The following TBC1D16 variants were observed in gnomAD, a reference collection of about 807,000 sequenced individuals.
TBC1D16 encodes TBC1 domain family member 16, also known as CTD-2529O21.1.
A neutral mutation model predicts 74.7 loss-of-function variants in TBC1D16; 58 were observed. The ratio of observed to expected loss-of-function variants is 0.78; its 90% CI spans 0.63 to 0.97. The LOEUF (loss-of-function observed/expected upper bound fraction) is 0.97, where lower values mean the gene tolerates loss of function less well. Ranked by LOEUF, TBC1D16 falls within the 50% of genes least tolerant of loss-of-function variation. The pLI, the probability that TBC1D16 is intolerant of heterozygous loss-of-function variation, is 0.00. For missense variants in TBC1D16, 1,014 were observed against 1,079.5 expected, an observed-to-expected ratio of 0.94 and a Z score of 0.85; for synonymous variants, 493 against 474.7, an observed-to-expected ratio of 1.04 and a Z score of -0.50.
At chr17:80,017,448 T>G (rs933934911) in intron 1 of TBC1D16, among the ~76,000 whole-genome samples, 6 of 152,052 alleles carry the variant, frequency 3.9e-5, no homozygotes, top group Non-Finnish European at 7.4e-5. Flanking sequence ...TTGGGAGGCC[T>G]AGGTGGGCGG....
intron 3 of TBC1D16, among the ~76,000 whole-genome samples, chr17:80,002,449 G>A (rs753508552): frequency 3.9e-5 from 6 of 152,206 alleles, no homozygotes; most frequent in Non-Finnish European, 7.3e-5. Flanking sequence ...GTGGGGAGCG[G>A]CCGCCCCATG....
At chr17:79,959,268 A>G (rs1385262679) in intron 3 of TBC1D16, among the ~76,000 whole-genome samples, 1 of 152,240 alleles carries the variant, frequency 6.6e-6, no homozygotes, top group East Asian at 1.9e-4. Context: ...GAAATGCAGA[A>G]ATGCACCATG....
rs1451948122 is a variant in TBC1D16, at chr17:80,010,494, G to A, written c.445C>T (p.Pro149Ser). Residue 149 changes from proline to serine, a missense_variant, in exon 3 of 12, where the codon CCA (proline) becomes TCA (serine). Pro to Ser is a moderately conservative substitution (Grantham distance 74, BLOSUM62 -1). Coordinates refer to ENST00000310924, the MANE Select transcript of TBC1D16 (RefSeq NM_019020.4). This position sits in a 1 kb window ranked among gnomAD's most constrained non-coding sequence, Gnocchi z 8.8. ...EDILVVAQSV[P>S]DRMLASPAPE... ...GCAGGGCTGGCGAGCATGCGGTCTG[G>A]AACACTCTGGGCCACCACCAGGATG... 3 of 1,610,748 alleles carry A rather than the reference G, an allele frequency of 1.9e-6. No individual in the cohort carries two copies. Among genetic ancestry groups the A allele is most frequent in the South Asian group, 2.2e-5 (2 of 90,690 alleles).
rs1568560877 is a variant in TBC1D16, at chr17:79,939,039, C to CGAGT, written c.*1816_*1819dup. 2 of 152,490 alleles carry CGAGT rather than the reference C, an allele frequency of 1.3e-5. No individual in the cohort carries two copies. The highest frequency in any genetic ancestry group is 6.5e-5 in the Admixed American group (1 of 15,292). 9.4% of individuals were successfully genotyped at this position (152,490 alleles called of 1,614,324 possible). On this transcript the variant is annotated 3_prime_UTR_variant, in exon 12 of 12. Coordinates refer to ENST00000310924, the MANE Select transcript of TBC1D16 (RefSeq NM_019020.4). The stretch of plus-strand genomic sequence containing the variant: ...ATCAGTGCTGACTGTTGCAGGCCAC[C>CGAGT]GAGTGTTGGCGGATTTGTTACACAG...
In TBC1D16 at chr17:79,985,796, ATTTG is replaced by A. The variant is rs1373907657; in HGVS notation, c.779+24360_779+24363del. On this transcript the variant is annotated intron_variant, in intron 3 of 11. Transcript: ENST00000310924. The surrounding 1 kb of genome is among the most constrained non-coding windows in gnomAD (Gnocchi z 4.9). The stretch of plus-strand genomic sequence containing the variant: ...CGGGGATGCCCAGCTGTCCTAGAGT[ATTTG>A]TTCTGCTGGCTCCCACCTCGCAGCC... Among the ~76,000 whole-genome samples, 3 of 152,120 alleles carry A rather than the reference ATTTG, an allele frequency of 2.0e-5. No individual in the cohort carries two copies. The highest frequency in any genetic ancestry group is 4.4e-5 in the Non-Finnish European group (3 of 68,010).
rs1278617259 is a variant in TBC1D16 at position 79,986,081 on chromosome 17, C to A, written c.779+24079G>T. On this transcript the variant is annotated intron_variant, in intron 3 of 11. Transcript: ENST00000310924. The surrounding 1 kb of genome is among the most constrained non-coding windows in gnomAD (Gnocchi z 6.0). ...CTAGAATCTGTTTATATTTTGACTG[C>A]ACTGGCATCTGCCATCCCTCAAACG... is the stretch of plus-strand genomic sequence containing the variant. Among the ~76,000 whole-genome samples the A allele has an allele frequency of 2.0e-5, 3 of 152,256 alleles. No homozygotes were observed. The highest frequency in any genetic ancestry group is 4.4e-5 in the Non-Finnish European group (3 of 68,050).
chr17:79,943,315 G>A (rs1048688669), intron 10 of TBC1D16, among the ~76,000 whole-genome samples: 1 of 152,172 alleles, frequency 6.6e-6, no homozygotes, highest in African/African-American at 2.4e-5. Context: ...GAAGGTGGAC[G>A]CCCAGCTTCT....
At chr17:79,952,409 C>T (rs571848978) in intron 4 of TBC1D16, among the ~76,000 whole-genome samples, 13 of 152,338 alleles carry the variant, frequency 8.5e-5, no homozygotes, top group East Asian at 5.8e-4. Context: ...TGCAAGCAAC[C>T]GCTGGCTACC....
chr17:79,948,231 T>C (rs568098334), intron 8 of TBC1D16, among the ~76,000 whole-genome samples: 4 of 150,706 alleles, frequency 2.7e-5, no homozygotes, highest in Non-Finnish European at 5.9e-5. Flanking sequence ...GAGAATCGCT[T>C]GAACCCGGAA....
intron 1 of TBC1D16, among the ~76,000 whole-genome samples, chr17:80,023,490 C>T (rs2036358079): frequency 6.7e-6 from 1 of 150,088 alleles, no homozygotes; most frequent in East Asian, 1.9e-4. Flanking sequence ...ACAGCCCCTG[C>T]GGCCACTTCT....
rs34982856 is a variant in TBC1D16 at position 79,994,284 on chromosome 17, C to CG, written c.779+15875dup. Among the ~76,000 whole-genome samples, 1,168 of 151,686 alleles carry CG rather than the reference C, an allele frequency of 7.7e-3. 3 individuals carry two copies. The highest frequency in any genetic ancestry group is 0.017 in the Middle Eastern group (5 of 294). ...GACTTCTAGAATCCCAGCTCAGGGC[C>CG]GGGGGGGTGCCAGGGCTGTGAACCC... On this transcript the variant is annotated intron_variant, in intron 3 of 11. Transcript: ENST00000310924. This position sits in a 1 kb window ranked among gnomAD's most constrained non-coding sequence, Gnocchi z 4.6.
intron 10 of TBC1D16, chr17:79,943,960 C>T (rs1481474622): frequency 1.8e-5 from 27 of 1,500,308 alleles, no homozygotes; most frequent in African/African-American, 9.7e-5. Flanking sequence ...TAATGCAGAT[C>T]GTCCACCCTG....
chr17:79,938,337 G>T lies in TBC1D16; in HGVS notation c.*2522C>A, dbSNP rs11150820. The stretch of plus-strand genomic sequence containing the variant: ...AGCCCATGGGGAGCGTGAGGTGCGA[G>T]CAGTGCACGGTGGGGGTGGCACTTG... On this transcript the variant is annotated 3_prime_UTR_variant, in exon 12 of 12. Coordinates refer to ENST00000310924, the MANE Select transcript of TBC1D16 (RefSeq NM_019020.4). 23,795 of 152,550 alleles carry T rather than the reference G, an allele frequency of 0.16. 1,930 individuals are homozygous for T. The highest frequency in any genetic ancestry group is 0.18 in the African/African-American group (7,634 of 41,540). 9.4% of individuals were successfully genotyped at this position (152,550 alleles called of 1,614,324 possible).
chr17:79,944,447 T>C lies in TBC1D16; in HGVS notation c.1908+461A>G, dbSNP rs1296732368. On this transcript the variant is annotated intron_variant, in intron 10 of 11. Coordinates refer to ENST00000310924, the MANE Select transcript of TBC1D16 (RefSeq NM_019020.4). The surrounding 1 kb of genome is among the most constrained non-coding windows in gnomAD (Gnocchi z 7.7). ...GGAGAGTGGAAGTCGGTATCACTGA[T>C]TGGGGCCCTCTGGAGGGGCCGACAG... 6.6e-6 allele frequency among the ~76,000 whole-genome samples: 1 copy of C among 152,120 alleles called. No individual in the cohort carries two copies. The highest frequency in any genetic ancestry group is 1.5e-5 in the Non-Finnish European group (1 of 68,028).
At chr17:79,964,640 G>C (rs1476151212) in intron 3 of TBC1D16, among the ~76,000 whole-genome samples, 1 of 152,152 alleles carries the variant, frequency 6.6e-6, no homozygotes. Context: ...AACACGTGCA[G>C]TTGATTGTAC....
At chr17:80,012,752 T>G (rs1487846084) in intron 2 of TBC1D16, among the ~76,000 whole-genome samples, 3 of 152,302 alleles carry the variant, frequency 2.0e-5, no homozygotes. Context: ...GACTTCTGTC[T>G]GTACTCTTGC....
At chr17:79,972,987 C>T (rs905996044) in intron 3 of TBC1D16, among the ~76,000 whole-genome samples, 9 of 152,074 alleles carry the variant, frequency 5.9e-5, no homozygotes, top group South Asian at 4.2e-4. Context: ...GAGGCTGAAG[C>T]GGGAGAATCA....
chr17:79,944,996 C>T lies in TBC1D16; in HGVS notation c.1820G>A (p.Cys607Tyr). 1 of 1,573,100 alleles carries T rather than the reference C, an allele frequency of 6.4e-7. No individual in the cohort carries two copies. Among genetic ancestry groups the T allele is most frequent in the South Asian group, 1.2e-5 (1 of 85,580 alleles). The part of the protein sequence containing the change: ...LGEDGLQMLF[C>Y]HRWLLLCFKR... ...GAAGCACAGAAGGAGCCAGCGGTGG[C>T]AGAAGAGCATCTGCAGGCCGTCCTC... Residue 607 changes from cysteine (C) to tyrosine (Y), a missense_variant, in exon 10 of 12, where the codon TGC (cysteine) becomes TAC (tyrosine). Physicochemically the swap from Cys to Tyr is radical, Grantham distance 194. Transcript: ENST00000310924. The surrounding 1 kb of genome is among the most constrained non-coding windows in gnomAD (Gnocchi z 7.7).
At position 79,975,805 on chromosome 17, in the gene TBC1D16, T is replaced by C. The variant is rs2034307339; in HGVS notation, c.780-22987A>G. On this transcript the variant is annotated intron_variant, in intron 3 of 11. Transcript: ENST00000310924. The surrounding 1 kb of genome is among the most constrained non-coding windows in gnomAD (Gnocchi z 4.5). ...GGCAATGCCTGCGTCTGCCCACACC[T>C]GCAGAGCATGAGCCCCACTTTGGAA... 6.6e-6 allele frequency among the ~76,000 whole-genome samples: 1 copy of C among 152,152 alleles called. No individual in the cohort carries two copies. The highest frequency in any genetic ancestry group is 2.1e-4 in the South Asian group (1 of 4,830).
Sources: allele counts gnomAD v4.1 joint callset (sites outside exome capture counted in the v4.1 genomes callset), GRCh38; gene constraint gnomAD v4.1.1; non-coding constraint Gnocchi (gnomAD v3.1); transcripts MANE v1.5; gene names NCBI Gene and HGNC (gene_info 2026-07-23, HGNC 2026-07-21).